Variants in TMEM181 observed in about 807,000 individuals in gnomAD.
TMEM181 encodes the protein transmembrane protein 181.
Under a neutral mutation model 71.9 loss-of-function variants are expected in TMEM181, and 39 were observed. The observed-to-expected ratio is 0.54, with a 90% CI of 0.42 to 0.71. The LOEUF (loss-of-function observed/expected upper bound fraction) is 0.71, where lower values mean the gene tolerates loss of function less well. Ranked by LOEUF, TMEM181 falls within the 30% of genes least tolerant of loss-of-function variation. The probability of loss-of-function intolerance (pLI) is 0.00; values close to 1 mark genes in which losing one functional copy is unlikely to be tolerated. For synonymous variants in TMEM181, 245 were observed against 228.8 expected, an observed-to-expected ratio of 1.07 and a Z score of -0.64; for missense variants, 595 against 583.0, an observed-to-expected ratio of 1.02 and a Z score of -0.21.
chr6:158,537,518 T>A (rs1235272101), intron 1 of TMEM181, among the ~76,000 whole-genome samples: 1 of 152,048 alleles, frequency 6.6e-6, no homozygotes, highest in Non-Finnish European at 1.5e-5. Context: ...CTGCAGACCC[T>A]GGCGCCGGCC....
chr6:158,630,677 G>GT (rs1220418589), intron 15 of TMEM181, among the ~76,000 whole-genome samples: 1 of 150,784 alleles, frequency 6.6e-6, no homozygotes, highest in Non-Finnish European at 1.5e-5. Flanking sequence ...TAACCCCATC[G>GT]TAAGTCAAGG....
chr6:158,630,437 G>A (rs545244197), intron 15 of TMEM181, among the ~76,000 whole-genome samples: 11 of 152,076 alleles, frequency 7.2e-5, no homozygotes, highest in South Asian at 4.1e-4. Context: ...AGAGGCTGCA[G>A]TGAGCTATGA....
At chr6:158,608,804 G>T in intron 10 of TMEM181, 54 bp downstream of exon 10, 1 of 1,562,316 alleles carries the variant, frequency 6.4e-7, no homozygotes, top group Non-Finnish European at 8.7e-7. Flanking sequence ...TTTGACAAAA[G>T]TGGAAAGGCC....
At chr6:158,550,892 GAAAAAA>G (rs368216274) in intron 1 of TMEM181, among the ~76,000 whole-genome samples, 2 of 87,106 alleles carry the variant, frequency 2.3e-5, no homozygotes, top group Non-Finnish European at 4.4e-5. Context: ...TCTGTCTCAG[GAAAAAA>G]AAAAAAAAAA....
At chr6:158,597,190 C>G (rs1268918274) in intron 6 of TMEM181, among the ~76,000 whole-genome samples, 3 of 152,170 alleles carry the variant, frequency 2.0e-5, no homozygotes, top group African/African-American at 7.2e-5. Context: ...TCCTTTTGTT[C>G]TCAACCCCAT....
chr6:158,559,940 G>A (rs1007989502), upstream of TMEM181: 2 of 486,406 alleles, frequency 4.1e-6, no homozygotes, highest in East Asian at 1.6e-4. Context: ...TAGCCTGGGT[G>A]CTCCCGGCCG....
intron 10 of TMEM181, among the ~76,000 whole-genome samples, chr6:158,616,203 C>A (rs1447788563): frequency 6.6e-6 from 1 of 152,078 alleles, no homozygotes; most frequent in Non-Finnish European, 1.5e-5. Context: ...CCTTCACATC[C>A]CTTGTAAGTT....
rs938662808 is a variant in TMEM181 at position 158,632,124 on chromosome 6, C to G, written c.*236C>G. On this transcript the variant is annotated 3_prime_UTR_variant, in exon 17 of 17. Transcript: ENST00000684151. ...GATAACAAGTTTCAACAGCCAAATC[C>G]TTTTTTACAGAGATTTCAGATGAGC... The G allele has an allele frequency of 7.7e-6, 4 of 517,178 alleles. No individual in the cohort carries two copies. The Admixed American group carries it at 1.3e-4, about 17-fold the overall frequency. 32.0% of individuals were successfully genotyped at this position (517,178 alleles called of 1,614,324 possible).
chr6:158,561,811 C>T (rs1296771777), intron 1 of TMEM181, among the ~76,000 whole-genome samples: 1 of 151,992 alleles, frequency 6.6e-6, no homozygotes, highest in Non-Finnish European at 1.5e-5. Context: ...TTAGGGAAGA[C>T]GGAGGGGGAT....
chr6:158,625,065 GC>G (rs773960935), intron 11 of TMEM181, 38 bp from the exon 12 acceptor site: 2 of 1,498,122 alleles, frequency 1.3e-6, no homozygotes, highest in East Asian at 4.5e-5. Context: ...GGTCACAGAG[GC>G]CCTGTTCCGA....
intron 1 of TMEM181, among the ~76,000 whole-genome samples, chr6:158,565,958 G>A (rs1166167774): frequency 6.6e-6 from 1 of 152,218 alleles, no homozygotes; most frequent in African/African-American, 2.4e-5. Context: ...GGCACCTCGA[G>A]ACAGGAGGTT....
At chr6:158,539,184 C>T (rs539890864) in intron 1 of TMEM181, among the ~76,000 whole-genome samples, 1 of 152,272 alleles carries the variant, frequency 6.6e-6, no homozygotes, top group South Asian at 2.1e-4. Flanking sequence ...GGATTCTGCC[C>T]CGCCCCCCGC....
At chr6:158,626,582 C>T (rs1220507277) in intron 13 of TMEM181, 3 of 456,534 alleles carry the variant, frequency 6.6e-6, no homozygotes, top group South Asian at 3.1e-5. Flanking sequence ...CATCCAAGGT[C>T]GTCCACCACC....
At chr6:158,536,906 C>A (rs1465260719) in intron 1 of TMEM181, 3 of 1,294,102 alleles carry the variant, frequency 2.3e-6, no homozygotes, top group Non-Finnish European at 2.9e-6. Context: ...CCGGAGGCTT[C>A]CGGGCCGCAG....
chr6:158,587,656 A>G (rs540598546), intron 5 of TMEM181, among the ~76,000 whole-genome samples: 2 of 151,392 alleles, frequency 1.3e-5, no homozygotes, highest in South Asian at 2.1e-4. Context: ...TTCTACTGTA[A>G]AGAAAAGCCA....
chr6:158,592,903 G>T (rs6908573), intron 6 of TMEM181, among the ~76,000 whole-genome samples: 54,582 of 151,900 alleles, frequency 0.36, 10,838 homozygotes, highest in East Asian at 0.75. Flanking sequence ...CTGGGTGACA[G>T]AGTGAGACCC....
At chr6:158,611,305 C>T in intron 10 of TMEM181, 1 of 502,756 alleles carries the variant, frequency 2.0e-6, no homozygotes, top group Non-Finnish European at 4.0e-6. Context: ...TCCTTCTCCA[C>T]AACTGGGACA....
At position 158,635,147 on chromosome 6, in the gene TMEM181, A is replaced by G. The variant is rs575182177; in HGVS notation, c.*3259A>G. The G allele has an allele frequency of 4.5e-4, 68 of 152,344 alleles. No individual in the cohort carries two copies. The highest frequency in any genetic ancestry group is 1.6e-3 in the African/African-American group (67 of 41,582). The allele number at this position is 152,344 out of a possible 1,614,324, so 9.4% of individuals were successfully genotyped here. On this transcript the variant is annotated 3_prime_UTR_variant, in exon 17 of 17. Transcript: ENST00000684151. ...TTGGAGATACGCTAGTAACTGTGATACCATACTATAAAACAGAAGAATTTT... is the reference window on the plus strand; with the variant it reads ...TTGGAGATACGCTAGTAACTGTGATGCCATACTATAAAACAGAAGAATTTT...
chr6:158,591,900 A>G (rs184539744), intron 6 of TMEM181, among the ~76,000 whole-genome samples: 101 of 152,230 alleles, frequency 6.6e-4, no homozygotes, highest in Middle Eastern at 3.4e-3. Context: ...AATTTGGTAC[A>G]TATGTTAGGT....
Sources: gnomAD v4.1 joint callset for allele counts (sites outside exome capture counted in the v4.1 genomes callset) on GRCh38, gnomAD v4.1.1 for gene constraint, MANE v1.5 for transcripts, NCBI Gene and HGNC (gene_info 2026-07-23, HGNC 2026-07-21) for gene names.